The following RBFOX1 variants were observed in gnomAD, a reference collection of about 807,000 sequenced individuals.
The protein encoded by RBFOX1 is RNA binding fox-1 homolog 1, also known as RNA binding protein fox-1 homolog 1.
A neutral mutation model predicts 57.7 loss-of-function variants in RBFOX1; 8 were observed. The ratio of observed to expected loss-of-function variants is 0.14; its 90% CI spans 0.08 to 0.25. The LOEUF (loss-of-function observed/expected upper bound fraction) is 0.25. Among genes scored for constraint, RBFOX1 ranks in the 10% least tolerant of loss-of-function variants. The pLI is 1.00. For synonymous variants in RBFOX1, 326 were observed against 222.4 expected (o/e 1.47, Z -4.15); for missense variants, 611 against 548.5 (o/e 1.11, Z -1.14).
At position 7,139,632 on chromosome 16, in the gene RBFOX1, C is replaced by A. The variant is rs147941853; in HGVS notation, c.27+87534C>A. Among the ~76,000 whole-genome samples the A allele has an allele frequency of 2.0e-5, 3 of 152,222 alleles. No individual in the cohort carries two copies. In the East Asian group the frequency reaches 5.8e-4, roughly 29 times the overall value. Reference sequence around the variant, plus strand: ...TGAGGAAAGGATCAGAGACCTGAGTCCACCCTCGACAGTTTCAGTTTTTGG... The same window carrying A: ...TGAGGAAAGGATCAGAGACCTGAGTACACCCTCGACAGTTTCAGTTTTTGG... On this transcript the variant is annotated intron_variant, in intron 4 of 15. Coordinates refer to ENST00000550418, the MANE Select transcript of RBFOX1 (RefSeq NM_018723.4).
intron 3 of RBFOX1, among the ~76,000 whole-genome samples, chr16:5,779,364 C>T (rs771867003): frequency 4.6e-5 from 7 of 152,170 alleles, no homozygotes; most frequent in Non-Finnish European, 1.0e-4. Context: ...TTGAACCTAG[C>T]ACGAAAGCAT....
intron 2 of RBFOX1, among the ~76,000 whole-genome samples, chr16:5,548,140 G>T (rs2045294343): frequency 7.7e-6 from 1 of 130,196 alleles, no homozygotes; most frequent in African/African-American, 2.8e-5. Flanking sequence ...CAGCCTGGGT[G>T]ACAGAGCAAG....
At chr16:5,551,792 C>T (rs558164035) in intron 2 of RBFOX1, among the ~76,000 whole-genome samples, 1 of 151,388 alleles carries the variant, frequency 6.6e-6, no homozygotes, top group Admixed American at 6.6e-5. Flanking sequence ...CCTCCCTCCG[C>T]CCCCCACCCC....
chr16:6,685,203 G>T lies in RBFOX1; in HGVS notation c.-16+30553G>T, dbSNP rs188565252. 2.3e-4 allele frequency among the ~76,000 whole-genome samples: 35 copies of T among 151,892 alleles called. No homozygotes were observed. In the East Asian group the frequency reaches 5.6e-3, roughly 24 times the overall value. ...ACTTACTAACCAAAAATAAAGACAG[G>T]AGGTGTTGTTAATCATTACACTGGC... is the stretch of plus-strand genomic sequence containing the variant. On this transcript the variant is annotated intron_variant, in intron 3 of 15. Coordinates refer to ENST00000550418, the MANE Select transcript of RBFOX1 (RefSeq NM_018723.4).
chr16:6,781,481 G>C lies in RBFOX1; in HGVS notation c.-16+126831G>C, dbSNP rs921649457. Among the ~76,000 whole-genome samples the C allele has an allele frequency of 2.8e-4, 42 of 152,022 alleles. 2 individuals are homozygous for C. Among genetic ancestry groups the C allele is most frequent in the Admixed American group, 2.1e-3 (32 of 15,252 alleles). ...GTATTGTCTACTCCTTGATTTTTTA[G>C]AATAGTTTGAATAGAATTGGTATTA... is the stretch of plus-strand genomic sequence containing the variant. On this transcript the variant is annotated intron_variant, in intron 3 of 15. Transcript: ENST00000550418.
At chr16:6,632,615 G>C (rs2098398905) in intron 2 of RBFOX1, among the ~76,000 whole-genome samples, 1 of 152,178 alleles carries the variant, frequency 6.6e-6, no homozygotes, top group Non-Finnish European at 1.5e-5. Context: ...AGGCAGGCCT[G>C]GCCATGGGTG....
intron 1 of RBFOX1, among the ~76,000 whole-genome samples, chr16:6,242,203 A>G (rs1032239464): frequency 3.3e-5 from 5 of 152,058 alleles, no homozygotes; most frequent in Non-Finnish European, 4.4e-5. Context: ...AGTTATCAGT[A>G]CTATAAGACT....
At chr16:7,673,486 C>T (rs58481666) in intron 13 of RBFOX1, among the ~76,000 whole-genome samples, 63 of 152,268 alleles carry the variant, frequency 4.1e-4, no homozygotes, top group African/African-American at 1.5e-3. Flanking sequence ...TTGGGAGGAT[C>T]GCTTGATCCC....
chr16:6,329,867 G>A (rs913010541), intron 2 of RBFOX1, among the ~76,000 whole-genome samples: 3 of 152,180 alleles, frequency 2.0e-5, no homozygotes, highest in African/African-American at 7.2e-5. Context: ...GAACCCAGGA[G>A]ACAGAGGTTG....
chr16:7,004,287 T>C lies in RBFOX1; in HGVS notation c.-15-47770T>C, dbSNP rs575649553. ...AACAACGCATTATATATTAATTAGATTAAATTAACTCCATTCGGATACCTA... is the reference window on the plus strand; with the variant it reads ...AACAACGCATTATATATTAATTAGACTAAATTAACTCCATTCGGATACCTA... On this transcript the variant is annotated intron_variant, in intron 3 of 15. Transcript: ENST00000550418. Among the ~76,000 whole-genome samples the C allele has an allele frequency of 4.6e-5, 7 of 152,280 alleles. No individual in the cohort carries two copies. The South Asian group carries it at 1.0e-3, about 23-fold the overall frequency.
intron 4 of RBFOX1, among the ~76,000 whole-genome samples, chr16:5,963,189 T>A (rs966137796): frequency 2.0e-5 from 3 of 152,204 alleles, no homozygotes; most frequent in African/African-American, 7.2e-5. Flanking sequence ...CTTTATAGGT[T>A]AGGTAATGCT....
chr16:5,970,172 G>C (rs1053316837), intron 4 of RBFOX1, among the ~76,000 whole-genome samples: 1 of 152,074 alleles, frequency 6.6e-6, no homozygotes, highest in Non-Finnish European at 1.5e-5. Flanking sequence ...CAGGAGTCTT[G>C]GGATATGGAT....
intron 3 of RBFOX1, among the ~76,000 whole-genome samples, chr16:5,764,720 C>T (rs2053716335): frequency 6.6e-6 from 1 of 152,176 alleles, no homozygotes; most frequent in South Asian, 2.1e-4. Context: ...CAAAACATAA[C>T]CTGAGCTTCA....
chr16:6,953,247 A>C (rs1200459518), intron 3 of RBFOX1, among the ~76,000 whole-genome samples: 1 of 152,152 alleles, frequency 6.6e-6, no homozygotes, highest in Non-Finnish European at 1.5e-5. Context: ...CTCTTTAATC[A>C]AATAAAACCT....
chr16:6,718,972 C>A (rs376981684), intron 3 of RBFOX1, among the ~76,000 whole-genome samples: 1 of 151,990 alleles, frequency 6.6e-6, no homozygotes. Flanking sequence ...AAACAATCCT[C>A]CCACCTCAGC....
chr16:6,380,697 T>C (rs773314297), intron 2 of RBFOX1, among the ~76,000 whole-genome samples: 4 of 150,898 alleles, frequency 2.7e-5, no homozygotes, highest in Non-Finnish European at 5.9e-5. Context: ...TTTGGGGGCA[T>C]ACAAAACCAT....
chr16:7,543,432 T>G (rs2083492672), intron 5 of RBFOX1, among the ~76,000 whole-genome samples: 1 of 152,132 alleles, frequency 6.6e-6, no homozygotes, highest in Non-Finnish European at 1.5e-5. Context: ...AAGGACTGGG[T>G]GGGTTCTAGG....
At chr16:6,107,236 C>A (rs990590542) in intron 1 of RBFOX1, among the ~76,000 whole-genome samples, 3 of 152,002 alleles carry the variant, frequency 2.0e-5, no homozygotes, top group African/African-American at 4.8e-5. Context: ...CCTGGTGACC[C>A]CCTAGTACCT....
chr16:6,612,890 C>T (rs1009119059), intron 2 of RBFOX1, among the ~76,000 whole-genome samples: 1 of 142,646 alleles, frequency 7.0e-6, no homozygotes, highest in Non-Finnish European at 1.5e-5. Flanking sequence ...TTTGTTTGTT[C>T]CAGAGGGCTG....
Sources: gnomAD v4.1 joint callset for allele counts (sites outside exome capture counted in the v4.1 genomes callset) on GRCh38, gnomAD v4.1.1 for gene constraint, MANE v1.5 for transcripts, NCBI Gene and HGNC (gene_info 2026-07-23, HGNC 2026-07-21) for gene names.